Variants in MRPS28 observed in about 807,000 individuals in gnomAD.
MRPS28 encodes mitochondrial ribosomal protein S28.
MRPS28 carries 7 observed loss-of-function variants against 10.8 expected under a neutral mutation model. The observed-to-expected ratio is 0.65, with a 90% CI of 0.37 to 1.22. The LOEUF is 1.22. Ranked by LOEUF, MRPS28 falls within the 50% of genes most tolerant of loss-of-function variation. The probability of loss-of-function intolerance (pLI) is 0.02; values close to 1 mark genes in which losing one functional copy is unlikely to be tolerated. For missense variants in MRPS28, 265 were observed against 232.9 expected, an observed-to-expected ratio of 1.14 and a Z score of -0.90; for synonymous variants, 121 against 93.3, an observed-to-expected ratio of 1.30 and a Z score of -1.71.
intron 2 of MRPS28, among the ~76,000 whole-genome samples, chr8:79,988,962 A>T (rs558754574): frequency 1.9e-3 from 286 of 152,358 alleles, no homozygotes; most frequent in African/African-American, 6.7e-3. Flanking sequence ...AAGTAGAAGG[A>T]GAATCAAGAA....
chr8:80,016,967 T>C (rs933887757), intron 1 of MRPS28, among the ~76,000 whole-genome samples: 6 of 152,186 alleles, frequency 3.9e-5, no homozygotes, highest in Non-Finnish European at 5.9e-5. Context: ...TGGACATCTG[T>C]AGACAATTTC....
intron 2 of MRPS28, among the ~76,000 whole-genome samples, chr8:79,919,720 T>G (rs1474542134): frequency 1.3e-5 from 2 of 152,234 alleles, no homozygotes; most frequent in African/African-American, 4.8e-5. Flanking sequence ...AACTGGTGTT[T>G]GCTTTAATTT....
chr8:80,003,217 C>T (rs376289293), intron 1 of MRPS28, 37 bp from the exon 2 acceptor site: 1 of 1,364,588 alleles, frequency 7.3e-7, no homozygotes, highest in East Asian at 2.6e-5. Context: ...ACATATAACT[C>T]AACATGAAGG....
At chr8:79,989,655 C>T (rs1041055094) in intron 2 of MRPS28, among the ~76,000 whole-genome samples, 16 of 152,206 alleles carry the variant, frequency 1.1e-4, no homozygotes, top group African/African-American at 3.9e-4. Context: ...GGCAGGCACT[C>T]TCACTTAATG....
chr8:79,954,196 T>C (rs1807146815), intron 2 of MRPS28, among the ~76,000 whole-genome samples: 1 of 152,128 alleles, frequency 6.6e-6, no homozygotes, highest in South Asian at 2.1e-4. Flanking sequence ...TAGGCAATAG[T>C]GAGACCTCAC....
chr8:79,997,423 GC>G lies in MRPS28; in HGVS notation c.395+5575del, dbSNP rs373811608. On this transcript the variant is annotated intron_variant, in intron 2 of 2. Coordinates refer to ENST00000276585, the MANE Select transcript of MRPS28 (RefSeq NM_014018.3). ...TTCCTCACATAACAATACCCACACT[GC>G]AAGGTCTGTGACTGCCAGGGCCAGT... is the stretch of plus-strand genomic sequence containing the variant. 6.3e-3 allele frequency among the ~76,000 whole-genome samples: 966 copies of G among 152,262 alleles called. 9 individuals carry two copies. Among genetic ancestry groups the G allele is most frequent in the African/African-American group, 0.022 (902 of 41,556 alleles).
chr8:79,984,454 G>A (rs201910005), intron 2 of MRPS28, among the ~76,000 whole-genome samples: 2 of 152,162 alleles, frequency 1.3e-5, no homozygotes, highest in Non-Finnish European at 2.9e-5. Context: ...TGGACTAAAT[G>A]CTCCAATTAA....
At position 80,028,264 on chromosome 8, in the gene MRPS28, A is replaced by C. The variant is rs1809540336; in HGVS notation, c.213+1772T>G. ...TGGGAGCGAAGCGTGAGTGAGAAAT[A>C]TTAGGTAAGAAATAGAAAAACTCCT... On this transcript the variant is annotated intron_variant, in intron 1 of 2. Transcript: ENST00000276585. Among the ~76,000 whole-genome samples the C allele has an allele frequency of 2.6e-5, 4 of 152,150 alleles. No homozygotes were observed. In the South Asian group the frequency reaches 6.2e-4, roughly 24 times the overall value.
At chr8:79,928,111 T>A (rs903134267) in intron 2 of MRPS28, among the ~76,000 whole-genome samples, 2 of 151,304 alleles carry the variant, frequency 1.3e-5, no homozygotes, top group African/African-American at 4.9e-5. Context: ...ATAGCTTGAG[T>A]CCAAGAGTTT....
chr8:79,947,429 A>G (rs1278565889), intron 2 of MRPS28, among the ~76,000 whole-genome samples: 1 of 152,030 alleles, frequency 6.6e-6, no homozygotes, highest in African/African-American at 2.4e-5. Flanking sequence ...CAACTTACCA[A>G]TTTCTTTTTT....
rs1011535699 is a variant in MRPS28 at position 79,960,961 on chromosome 8, A to T, written c.396-41813T>A. Reference sequence around the variant, plus strand: ...TGGGTTTCTTGCTAAGATCAACAGCAATGAGGATGAATGAGGGGAAGCAGT... The same window carrying T: ...TGGGTTTCTTGCTAAGATCAACAGCTATGAGGATGAATGAGGGGAAGCAGT... On this transcript the variant is annotated intron_variant, in intron 2 of 2. Transcript: ENST00000276585. 4.6e-5 allele frequency among the ~76,000 whole-genome samples: 7 copies of T among 152,222 alleles called. No homozygotes were observed. The South Asian group carries it at 1.2e-3, about 27-fold the overall frequency.
chr8:79,936,863 G>A (rs1001453417), intron 2 of MRPS28, among the ~76,000 whole-genome samples: 7 of 151,794 alleles, frequency 4.6e-5, no homozygotes, highest in African/African-American at 1.7e-4. Flanking sequence ...TTATTTTTTT[G>A]TTGTTTTTCT....
intron 2 of MRPS28, among the ~76,000 whole-genome samples, chr8:80,000,144 A>G (rs1808622163): frequency 1.3e-5 from 2 of 152,252 alleles, no homozygotes; most frequent in Admixed American, 1.3e-4. Flanking sequence ...GAAGAGGTCT[A>G]GTAAGTATTT....
At chr8:79,935,391 G>A (rs1480124639) in intron 2 of MRPS28, among the ~76,000 whole-genome samples, 2 of 151,802 alleles carry the variant, frequency 1.3e-5, no homozygotes, top group Non-Finnish European at 2.9e-5. Context: ...ACAATAAACT[G>A]TGTGATTGCT....
intron 2 of MRPS28, among the ~76,000 whole-genome samples, chr8:79,993,375 T>C (rs1386257461): frequency 5.3e-5 from 8 of 152,198 alleles, no homozygotes; most frequent in Non-Finnish European, 7.4e-5. Flanking sequence ...GCTATACATA[T>C]GTGAATATGC....
In MRPS28 at chr8:79,964,277, T is replaced by C. The variant is rs768390330; in HGVS notation, c.395+38722A>G. ...TTAATATCATATTGTCCCAAGCACA[T>C]ACACATCTCTCTTTAGGCCCACTTC... On this transcript the variant is annotated intron_variant, in intron 2 of 2. Coordinates refer to ENST00000276585, the MANE Select transcript of MRPS28 (RefSeq NM_014018.3). 4.9e-4 allele frequency among the ~76,000 whole-genome samples: 75 copies of C among 152,248 alleles called. 1 individual carries two copies. Among genetic ancestry groups the C allele is most frequent in the Admixed American group, 2.1e-3 (32 of 15,276 alleles).
intron 1 of MRPS28, among the ~76,000 whole-genome samples, chr8:80,026,276 T>C (rs758240388): frequency 1.3e-5 from 2 of 152,184 alleles, no homozygotes; most frequent in African/African-American, 4.8e-5. Context: ...TTCCTTACCA[T>C]AAATATGTTA....
chr8:80,028,425 T>G (rs1047433214), intron 1 of MRPS28, among the ~76,000 whole-genome samples: 3 of 152,104 alleles, frequency 2.0e-5, no homozygotes, highest in Non-Finnish European at 4.4e-5. Flanking sequence ...ATCGCTATTC[T>G]GCTAGTATTT....
intron 2 of MRPS28, among the ~76,000 whole-genome samples, chr8:79,933,895 G>A (rs1257435567): frequency 6.6e-6 from 1 of 152,162 alleles, no homozygotes; most frequent in African/African-American, 2.4e-5. Flanking sequence ...TGAGTTTCAA[G>A]AATAATTATT....
Sources: gnomAD v4.1 joint callset for allele counts (sites outside exome capture counted in the v4.1 genomes callset) on GRCh38, gnomAD v4.1.1 for gene constraint, MANE v1.5 for transcripts, NCBI Gene and HGNC (gene_info 2026-07-23, HGNC 2026-07-21) for gene names.